The following ATL1 variants were observed in gnomAD, a reference collection of about 807,000 sequenced individuals.
The protein encoded by ATL1 is atlastin GTPase 1, also known as atlastin-1.
Under a neutral mutation model 75.5 loss-of-function variants are expected in ATL1, and 31 were observed. The ratio of observed to expected loss-of-function variants is 0.41; its 90% confidence interval spans 0.31 to 0.55. ATL1 has a LOEUF of 0.55. Ranked by LOEUF, ATL1 falls within the 20% of genes least tolerant of loss-of-function variation. The pLI, the probability that ATL1 is intolerant of heterozygous loss-of-function variation, is 0.27. For synonymous variants in ATL1, 226 were observed against 233.3 expected (o/e 0.97, Z 0.28); for missense variants, 405 against 662.6 (o/e 0.61, Z 4.27).
chr14:50,545,488 C>T (rs1474700665), intron 1 of ATL1, among the ~76,000 whole-genome samples: 1 of 152,154 alleles, frequency 6.6e-6, no homozygotes, highest in Non-Finnish European at 1.5e-5. Context: ...AACTGCTCAA[C>T]CTTTGTGGGC....
Position 50,567,759 on chromosome 14 carries a change from G to A in ATL1, c.34+7460G>A, listed in dbSNP as rs546266793. Among the ~76,000 whole-genome samples the A allele has an allele frequency of 4.6e-5, 7 of 152,300 alleles. No homozygotes were observed. In the East Asian group the frequency reaches 1.3e-3, roughly 29 times the overall value. ...CTTTGATCATTTGTTGTTTAAGAGT[G>A]TGTTGTTTAATTGCCACAAATTTGT... On this transcript the variant is annotated intron_variant, in intron 1 of 13. Coordinates refer to ENST00000358385, the MANE Select transcript of ATL1 (RefSeq NM_015915.5).
At chr14:50,591,215 T>A in intron 3 of ATL1, 140 bp downstream of exon 3, 2 of 825,072 alleles carry the variant, frequency 2.4e-6, no homozygotes, top group South Asian at 3.4e-5. Flanking sequence ...TCCTATAGCA[T>A]GATCTTTGTT....
chr14:50,592,913 C>CAAA (rs1172812271), intron 4 of ATL1, among the ~76,000 whole-genome samples: 1,048 of 85,336 alleles, frequency 0.012, 33 homozygotes, highest in African/African-American at 0.045. Context: ...ACTCCCGTCT[C>CAAA]AAAAAAAAAA....
chr14:50,591,833 C>A (rs2039161599), intron 4 of ATL1, 194 bp downstream of exon 4: 2 of 544,526 alleles, frequency 3.7e-6, no homozygotes, highest in Admixed American at 6.4e-5. Context: ...TAATTACTGA[C>A]AAACTTTCAA....
At chr14:50,570,604 G>C (rs1467890583) in intron 1 of ATL1, among the ~76,000 whole-genome samples, 3 of 152,056 alleles carry the variant, frequency 2.0e-5, no homozygotes, top group Admixed American at 6.5e-5. Context: ...TATTTTGTTT[G>C]TATGTCATTT....
intron 8 of ATL1, among the ~76,000 whole-genome samples, chr14:50,618,398 T>C (rs3015444): frequency 0.22 from 33,072 of 152,012 alleles, 4,993 homozygotes; most frequent in African/African-American, 0.44. Flanking sequence ...AATAAATCTA[T>C]ATATAGTACA....
intron 1 of ATL1, among the ~76,000 whole-genome samples, chr14:50,582,423 T>C (rs80225920): frequency 4.3e-4 from 65 of 151,128 alleles, no homozygotes; most frequent in African/African-American, 1.5e-3. Flanking sequence ...TTTTTTTTTT[T>C]CCATAAGACG....
At chr14:50,589,550 T>C (rs954473562) in intron 2 of ATL1, among the ~76,000 whole-genome samples, 1 of 152,172 alleles carries the variant, frequency 6.6e-6, no homozygotes, top group Admixed American at 6.5e-5. Flanking sequence ...GAAGTTAGAA[T>C]AGATTTTGAA....
At chr14:50,560,336 G>T (rs1322051108) in intron 1 of ATL1, 37 bp downstream of exon 1, 2 of 1,610,300 alleles carry the variant, frequency 1.2e-6, no homozygotes, top group Non-Finnish European at 1.7e-6. Flanking sequence ...GCCTGCACGG[G>T]GTCTTCTGGC....
At chr14:50,545,535 T>G (rs1005048233) in intron 1 of ATL1, among the ~76,000 whole-genome samples, 2 of 152,044 alleles carry the variant, frequency 1.3e-5, no homozygotes, top group African/African-American at 2.4e-5. Flanking sequence ...AAAATTCCAG[T>G]GGGGAGTAAG....
chr14:50,620,699 C>T lies in ATL1; in HGVS notation c.963C>T (p.Thr321=). The T allele has an allele frequency of 1.2e-6, 2 of 1,613,640 alleles. No homozygotes were observed. Among genetic ancestry groups the T allele is most frequent in the East Asian group, 2.2e-5 (1 of 44,846 alleles). The change falls in exon 9 of 14, where the codon ACC becomes ACT. Residue 321 remains threonine, a synonymous_variant. Coordinates refer to ENST00000358385, the MANE Select transcript of ATL1 (RefSeq NM_015915.5). ...DIKEINGNKI[T]CRGLVEYFKA... ...AAGAGATCAATGGGAATAAAATCAC[C>T]TGCCGGGGTCTGGTGGAGTACTTCA...
chr14:50,550,242 T>C (rs2038685250), intron 1 of ATL1, among the ~76,000 whole-genome samples: 1 of 152,186 alleles, frequency 6.6e-6, no homozygotes, highest in Non-Finnish European at 1.5e-5. Context: ...AGGGAAGCCA[T>C]GTGTGGTACT....
intron 6 of ATL1, among the ~76,000 whole-genome samples, chr14:50,598,378 C>T (rs150714581): frequency 1.3e-3 from 195 of 151,396 alleles, no homozygotes; most frequent in African/African-American, 4.3e-3. Flanking sequence ...TTTTTTGAGA[C>T]GGAGTCTTGC....
chr14:50,565,363 T>C (rs2038893543), intron 1 of ATL1, among the ~76,000 whole-genome samples: 1 of 151,784 alleles, frequency 6.6e-6, no homozygotes, highest in South Asian at 2.1e-4. Flanking sequence ...TGCATGCTTG[T>C]AATCCCAGCT....
chr14:50,622,924 G>A (rs1171198874), intron 10 of ATL1, among the ~76,000 whole-genome samples: 1 of 152,036 alleles, frequency 6.6e-6, no homozygotes, highest in Non-Finnish European at 1.5e-5. Context: ...AATATTTTTT[G>A]AGAGGAAAAC....
At position 50,560,169 on chromosome 14, in the gene ATL1, C is replaced by A; in HGVS notation, c.-97C>A. 6.9e-7 allele frequency: 1 copy of A among 1,451,798 alleles called. No individual in the cohort carries two copies. The highest frequency in any genetic ancestry group is 9.6e-7 in the Non-Finnish European group (1 of 1,046,792). The allele number at this position is 1,451,798 out of a possible 1,614,324, so 89.9% of individuals were successfully genotyped here. A position where few individuals can be genotyped will look rare whatever the true frequency, so the allele number is the denominator to read the frequency against. On this transcript the variant is annotated 5_prime_UTR_variant, in exon 1 of 14. Transcript: ENST00000358385. Reference sequence around the variant, plus strand: ...CAGAGTCTGAGCGAACTGCGCCCAGCGCGGGCACGGAGCCTCCCACCGCCA... The same window carrying A: ...CAGAGTCTGAGCGAACTGCGCCCAGAGCGGGCACGGAGCCTCCCACCGCCA...
chr14:50,581,223 G>A (rs2039052214), intron 1 of ATL1, among the ~76,000 whole-genome samples: 2 of 149,994 alleles, frequency 1.3e-5, no homozygotes, highest in South Asian at 4.2e-4. Context: ...ATAGATATTA[G>A]CTTATGATTT....
Position 50,620,649 on chromosome 14 carries a change from C to T in ATL1, c.913C>T (p.Leu305Phe), listed in dbSNP as rs1362305569. ...KNLKILIPWL[L>F]SPESLDIKEI... ...CTTGAAAATACTGATTCCTTGGCTA[C>T]TTAGTCCCGAGAGCCTAGATATTAA... The change falls in exon 9 of 14, where the codon CTT becomes TTT. Residue 305 changes from leucine to phenylalanine, a missense_variant. Transcript: ENST00000358385. 6.2e-7 allele frequency: 1 copy of T among 1,613,520 alleles called. No individual in the cohort carries two copies. Among genetic ancestry groups the T allele is most frequent in the South Asian group, 1.1e-5 (1 of 91,076 alleles).
At chr14:50,547,514 C>A (rs1449868239) in intron 1 of ATL1, among the ~76,000 whole-genome samples, 1 of 152,168 alleles carries the variant, frequency 6.6e-6, no homozygotes, top group Non-Finnish European at 1.5e-5. Context: ...CTTGCCCTAG[C>A]CCAGGCAGGC....
Sources: allele counts gnomAD v4.1 joint callset (sites outside exome capture counted in the v4.1 genomes callset), GRCh38; gene constraint gnomAD v4.1.1; transcripts MANE v1.5; gene names NCBI Gene and HGNC (gene_info 2026-07-23, HGNC 2026-07-21).